Variants in TXLNB observed in about 807,000 individuals in gnomAD.
The protein encoded by TXLNB is taxilin beta.
TXLNB carries 37 observed loss-of-function variants against 57.4 expected under a neutral mutation model. The observed-to-expected ratio is 0.64, with a 90% CI of 0.50 to 0.85. The LOEUF (loss-of-function observed/expected upper bound fraction) is 0.85, where lower values mean the gene tolerates loss of function less well. TXLNB is among the 40% of genes least tolerant of loss of function. The pLI is 0.00. For missense variants in TXLNB, 848 were observed against 825.6 expected (o/e 1.03, Z -0.33); for synonymous variants, 302 against 309.6 (o/e 0.98, Z 0.26).
At chr6:139,181,085 C>G in the TXLNB span, among the ~76,000 whole-genome samples, 4 of 152,014 alleles carry the variant, frequency 2.6e-5, no homozygotes, top group East Asian at 5.8e-4. Flanking sequence ...TTAGGGAATT[C>G]TATTATTTGA....
the TXLNB span, among the ~76,000 whole-genome samples, chr6:139,317,167 T>C: frequency 6.6e-6 from 1 of 152,188 alleles, no homozygotes; most frequent in Non-Finnish European, 1.5e-5. Context: ...GGACCTCTTA[T>C]ATTTTAGTTA....
the TXLNB span, among the ~76,000 whole-genome samples, chr6:139,193,198 C>T: frequency 6.7e-6 from 1 of 148,458 alleles, no homozygotes; most frequent in Non-Finnish European, 1.5e-5. Flanking sequence ...CTTCCTCTCC[C>T]AGTCTCAACA....
chr6:139,166,978 T>C, the TXLNB span: 2 of 1,614,218 alleles, frequency 1.2e-6, no homozygotes, highest in Non-Finnish European at 1.7e-6. Flanking sequence ...ATGCCCACTT[T>C]GATTACAGCC....
intron 2 of TXLNB, among the ~76,000 whole-genome samples, chr6:139,278,393 G>T (rs1408816257): frequency 6.6e-6 from 1 of 152,156 alleles, no homozygotes; most frequent in Non-Finnish European, 1.5e-5. Flanking sequence ...TAAAACAGGG[G>T]AAGGTGGGTG....
At chr6:139,316,300 C>T in the TXLNB span, among the ~76,000 whole-genome samples, 2 of 152,298 alleles carry the variant, frequency 1.3e-5, no homozygotes, top group East Asian at 3.9e-4. Flanking sequence ...CCAAGAACCC[C>T]CACCTTTAAT....
chr6:139,234,067 C>T, the TXLNB span: 1 of 152,208 alleles, frequency 6.6e-6, no homozygotes, highest in Non-Finnish European at 1.5e-5. Flanking sequence ...AGACTGGCAG[C>T]ATTTTGCCCC....
the TXLNB span, among the ~76,000 whole-genome samples, chr6:139,302,153 A>T: frequency 6.6e-6 from 1 of 152,162 alleles, no homozygotes; most frequent in Non-Finnish European, 1.5e-5. Flanking sequence ...GCATACATGT[A>T]GGTATATAAA....
rs778124223 is a variant in TXLNB, at chr6:139,244,675, T to G, written c.1186A>C (p.Lys396Gln). 6.3e-5 allele frequency: 102 copies of G among 1,613,144 alleles called. 1 individual carries two copies. The highest frequency in any genetic ancestry group is 2.9e-4 in the South Asian group (26 of 91,058). Residue 396 changes from lysine (K) to glutamine (Q), a missense_variant, in exon 9 of 10, where the codon AAG (lysine) becomes CAG (glutamine). Transcript: ENST00000358430. The stretch of plus-strand genomic sequence containing the variant: ...GTGGCTGTGTCCTTTTCCAGCTTCT[T>G]CATTTTCTTAGTTGTCTACAGAAAT... ...QEMDKTTKKMKKLEKDTATWK... is the reference protein window; with the variant it reads ...QEMDKTTKKMQKLEKDTATWK...
intron 2 of TXLNB, among the ~76,000 whole-genome samples, chr6:139,278,748 G>A (rs1254184409): frequency 6.6e-6 from 1 of 152,242 alleles, no homozygotes; most frequent in Non-Finnish European, 1.5e-5. Context: ...GCTCACGCCT[G>A]TAATCCCAAC....
At chr6:139,234,323 G>C in the TXLNB span, 1 of 152,216 alleles carries the variant, frequency 6.6e-6, no homozygotes, top group Non-Finnish European at 1.5e-5. Context: ...AATAGGGAAA[G>C]TGTCTCCAGG....
the TXLNB span, among the ~76,000 whole-genome samples, chr6:139,321,281 G>A: frequency 3.3e-5 from 5 of 152,124 alleles, no homozygotes; most frequent in Admixed American, 2.6e-4. Flanking sequence ...CATGAAGGTA[G>A]AGCCTTCATG....
chr6:139,215,140 A>G, the TXLNB span, among the ~76,000 whole-genome samples: 1 of 147,188 alleles, frequency 6.8e-6, no homozygotes, highest in East Asian at 2.1e-4. Flanking sequence ...TAAAGTTCAT[A>G]TGGAACCAAA....
intron 1 of TXLNB, among the ~76,000 whole-genome samples, chr6:139,289,424 T>C (rs1306768462): frequency 3.9e-5 from 6 of 152,184 alleles, no homozygotes; most frequent in Non-Finnish European, 7.3e-5. Flanking sequence ...CTCAGGGAGC[T>C]CGGCTCTTGA....
chr6:139,266,369 G>A (rs908949035), intron 4 of TXLNB, among the ~76,000 whole-genome samples: 1 of 152,136 alleles, frequency 6.6e-6, no homozygotes, highest in Non-Finnish European at 1.5e-5. Flanking sequence ...GAATGAGAAG[G>A]TAGAAAATCT....
chr6:139,313,915 C>A, the TXLNB span, among the ~76,000 whole-genome samples: 1 of 152,088 alleles, frequency 6.6e-6, no homozygotes, highest in Non-Finnish European at 1.5e-5. Context: ...TCCAGGCCTG[C>A]CTCTTTCTGC....
intron 4 of TXLNB, among the ~76,000 whole-genome samples, chr6:139,264,412 G>GT (rs546235262): frequency 5.9e-4 from 88 of 147,976 alleles, no homozygotes; most frequent in African/African-American, 1.6e-3. Flanking sequence ...CTGAGTTGTT[G>GT]TTTTTTTTTT....
At chr6:139,237,505 T>C (rs1427306609), downstream of TXLNB, 1 of 118,756 alleles carries the variant, frequency 8.4e-6, no homozygotes, top group South Asian at 2.8e-4. Flanking sequence ...AGAGACTCCA[T>C]CTAAAAAAAA....
chr6:139,202,460 C>T, the TXLNB span, among the ~76,000 whole-genome samples: 1 of 152,164 alleles, frequency 6.6e-6, no homozygotes, highest in Admixed American at 6.5e-5. Context: ...TATAGCTCTT[C>T]AAGACCCACA....
the TXLNB span, among the ~76,000 whole-genome samples, chr6:139,314,820 T>C: frequency 0.052 from 7,897 of 152,294 alleles, 490 homozygotes; most frequent in East Asian, 0.16. Flanking sequence ...TTGTCCTTGT[T>C]CATTCCTGGG....
Sources: allele counts gnomAD v4.1 joint callset (sites outside exome capture counted in the v4.1 genomes callset), GRCh38; gene constraint gnomAD v4.1.1; transcripts MANE v1.5; gene names NCBI Gene and HGNC (gene_info 2026-07-23, HGNC 2026-07-21).